Variants in AK9 observed in about 807,000 individuals in gnomAD.
AK9 encodes adenylate kinase domain containing 1.
AK9 carries 191 observed loss-of-function variants against 239.6 expected under a neutral mutation model. The ratio of observed to expected loss-of-function variants is 0.80; its 90% CI spans 0.71 to 0.90. The LOEUF (loss-of-function observed/expected upper bound fraction) is 0.90. Among genes scored for constraint, AK9 ranks in the 40% least tolerant of loss-of-function variants. AK9 has a pLI of 0.00. For missense variants in AK9, 1,995 were observed against 2,214.7 expected (o/e 0.90, Z 1.99); for synonymous variants, 689 against 721.0 (o/e 0.96, Z 0.71).
chr6:109,665,796 C>T (rs929243513), intron 5 of AK9, among the ~76,000 whole-genome samples: 3 of 152,172 alleles, frequency 2.0e-5, no homozygotes, highest in African/African-American at 4.8e-5. Flanking sequence ...AACAGTATCT[C>T]CCTGCCATTC....
chr6:109,552,820 G>A (rs1012058263), intron 24 of AK9, among the ~76,000 whole-genome samples: 2 of 151,944 alleles, frequency 1.3e-5, no homozygotes, highest in Non-Finnish European at 2.9e-5. Flanking sequence ...TTTCTTCTAC[G>A]TTTTTTTATG....
intron 6 of AK9, among the ~76,000 whole-genome samples, chr6:109,661,120 C>CA (rs1157765935): frequency 1.3e-5 from 2 of 152,020 alleles, no homozygotes; most frequent in Non-Finnish European, 2.9e-5. Flanking sequence ...ACAAACTATC[C>CA]AAAAAATGTG....
chr6:109,576,703 A>G (rs1191027528), intron 20 of AK9, among the ~76,000 whole-genome samples: 1 of 151,940 alleles, frequency 6.6e-6, no homozygotes, highest in Non-Finnish European at 1.5e-5. Flanking sequence ...TCCTCCAGCT[A>G]GGACTTCCAG....
chr6:109,649,810 C>G (rs1332161334), intron 8 of AK9, among the ~76,000 whole-genome samples: 1 of 152,212 alleles, frequency 6.6e-6, no homozygotes. Context: ...AAGCTGGAGG[C>G]ATCACGCTAC....
chr6:109,669,533 A>T (rs1333785195), intron 5 of AK9, among the ~76,000 whole-genome samples: 1 of 152,112 alleles, frequency 6.6e-6, no homozygotes, highest in Non-Finnish European at 1.5e-5. Context: ...GTTTGTCATA[A>T]ATAGCTTAAT....
At chr6:109,630,536 T>C (rs1337488670) in intron 12 of AK9, among the ~76,000 whole-genome samples, 3 of 152,142 alleles carry the variant, frequency 2.0e-5, no homozygotes, top group Admixed American at 6.5e-5. Context: ...AAAATACTAA[T>C]AGAATGATGA....
chr6:109,571,392 A>G (rs1008740043), intron 21 of AK9, among the ~76,000 whole-genome samples: 1 of 152,196 alleles, frequency 6.6e-6, no homozygotes, highest in African/African-American at 2.4e-5. Flanking sequence ...GTTATTGTTT[A>G]TTGAAAATAA....
At chr6:109,528,560 T>G (rs778242203) in intron 29 of AK9, 52 of 457,036 alleles carry the variant, frequency 1.1e-4, no homozygotes, top group African/African-American at 9.8e-4. Context: ...TATTTTGTTT[T>G]GACAAAGCAA....
chr6:109,655,074 G>T (rs546176725), intron 8 of AK9, among the ~76,000 whole-genome samples: 3 of 152,140 alleles, frequency 2.0e-5, no homozygotes, highest in Non-Finnish European at 4.4e-5. Context: ...CTAGGGCAAT[G>T]AATTCTTATC....
Position 109,641,514 on chromosome 6 carries a change from T to C in AK9, c.933+4A>G, listed in dbSNP as rs1490173679. On this transcript the variant is annotated splice_donor_region_variant and intron_variant, in intron 10 of 40. Coordinates refer to ENST00000424296, the MANE Select transcript of AK9 (RefSeq NM_001145128.3). ...AGACTTTCAGACAGTTCCATATAAC[T>C]TACATTTTCCATTGTGTCATTAATT... 6.2e-7 allele frequency: 1 copy of C among 1,608,178 alleles called. No homozygotes were observed. The highest frequency in any genetic ancestry group is 8.5e-7 in the Non-Finnish European group (1 of 1,174,886).
At chr6:109,684,501 T>C (rs975580641) in intron 1 of AK9, among the ~76,000 whole-genome samples, 9 of 152,168 alleles carry the variant, frequency 5.9e-5, no homozygotes, top group African/African-American at 1.9e-4. Context: ...TCTATCCCTC[T>C]GACAAAGGGC....
At chr6:109,591,754 T>C (rs1287388732) in intron 17 of AK9, among the ~76,000 whole-genome samples, 1 of 152,168 alleles carries the variant, frequency 6.6e-6, no homozygotes, top group Non-Finnish European at 1.5e-5. Context: ...AATTCCCTTA[T>C]TGTTCGCTTG....
intron 10 of AK9, among the ~76,000 whole-genome samples, chr6:109,641,059 T>A (rs978826678): frequency 1.3e-5 from 2 of 151,400 alleles, no homozygotes; most frequent in Admixed American, 1.3e-4. Context: ...ATTGTGCTAA[T>A]ATTACAGCTT....
In AK9 at chr6:109,516,429, C is replaced by T. The variant is rs1779283944; in HGVS notation, c.3846+1G>A. On this transcript the variant is annotated splice_donor_variant, in intron 30 of 40. Coordinates refer to ENST00000424296, the MANE Select transcript of AK9 (RefSeq NM_001145128.3). LOFTEE classifies it high-confidence loss of function. ...ATAAAAAGCAAAGGAAAAGTAATAA[C>T]CTGTATTATTTGTAAATTATGTGTA... 1.9e-6 allele frequency: 3 copies of T among 1,548,640 alleles called. No individual in the cohort carries two copies. Among genetic ancestry groups the T allele is most frequent in the South Asian group, 1.2e-5 (1 of 83,982 alleles).
At chr6:109,564,955 G>T in intron 21 of AK9, 110 bp from the exon 22 acceptor site, 1 of 804,420 alleles carries the variant, frequency 1.2e-6, no homozygotes, top group Non-Finnish European at 1.8e-6. Flanking sequence ...TATATGAAAT[G>T]CCTAATAGAA....
intron 12 of AK9, among the ~76,000 whole-genome samples, chr6:109,621,448 T>C (rs375904787): frequency 8.3e-5 from 2 of 24,232 alleles, no homozygotes; most frequent in South Asian, 1.2e-3. Context: ...CACACGTATG[T>C]TTATTGCGGC....
At chr6:109,631,027 A>G (rs1249690893) in intron 12 of AK9, among the ~76,000 whole-genome samples, 2 of 152,202 alleles carry the variant, frequency 1.3e-5, no homozygotes, top group Non-Finnish European at 2.9e-5. Flanking sequence ...CCTTCACATC[A>G]TAAGAAAGTC....
chr6:109,564,396 T>C, intron 22 of AK9, 116 bp from the exon 23 acceptor site: 2 of 718,888 alleles, frequency 2.8e-6, no homozygotes, highest in Non-Finnish European at 4.4e-6. Context: ...AAAATAATAT[T>C]CTAAGCAACA....
chr6:109,570,580 A>T (rs1787287636), intron 21 of AK9, among the ~76,000 whole-genome samples: 1 of 152,130 alleles, frequency 6.6e-6, no homozygotes, highest in Non-Finnish European at 1.5e-5. Flanking sequence ...GAAATAAAAA[A>T]ATTTTTTAAT....
Sources: gnomAD v4.1 joint callset for allele counts (sites outside exome capture counted in the v4.1 genomes callset) on GRCh38, gnomAD v4.1.1 for gene constraint, MANE v1.5 for transcripts, NCBI Gene and HGNC (gene_info 2026-07-23, HGNC 2026-07-21) for gene names.